Variants in CDON observed in about 807,000 individuals in gnomAD.
The protein encoded by CDON is cell adhesion molecule-related/down-regulated by oncogenes.
CDON carries 73 observed loss-of-function variants against 120.9 expected under a neutral mutation model. That is an observed-to-expected ratio of 0.60 (90% CI 0.50 to 0.73). The LOEUF (loss-of-function observed/expected upper bound fraction) is 0.73, where lower values mean the gene tolerates loss of function less well. Among genes scored for constraint, CDON ranks in the 30% least tolerant of loss-of-function variants. The pLI is 0.00. For missense variants in CDON, 1,470 were observed against 1,587.3 expected, an observed-to-expected ratio of 0.93 and a Z score of 1.26; for synonymous variants, 566 against 573.5, an observed-to-expected ratio of 0.99 and a Z score of 0.19.
intron 1 of CDON, among the ~76,000 whole-genome samples, chr11:126,061,759 T>C (rs1247701247): frequency 1.3e-5 from 2 of 152,234 alleles, no homozygotes; most frequent in African/African-American, 4.8e-5. Flanking sequence ...GATGAGGTTC[T>C]CTAAATTCTG....
intron 17 of CDON, among the ~76,000 whole-genome samples, chr11:125,980,015 A>T (rs1946250676): frequency 6.6e-6 from 1 of 152,190 alleles, no homozygotes; most frequent in Non-Finnish European, 1.5e-5. Context: ...TAAACTGAAG[A>T]TGGGGGGAAA....
chr11:126,005,647 G>A (rs554439131), intron 9 of CDON, 112 bp downstream of exon 9: 37 of 993,742 alleles, frequency 3.7e-5, no homozygotes, highest in Middle Eastern at 3.0e-4. Context: ...CATCAGTCTG[G>A]AAGACTCTTG....
Position 126,062,840 on chromosome 11 carries a change from A to C in CDON, c.-323T>G, listed in dbSNP as rs1257166971. 2 of 151,410 alleles carry C rather than the reference A, an allele frequency of 1.3e-5. No individual in the cohort carries two copies. Among genetic ancestry groups the C allele is most frequent in the African/African-American group, 4.8e-5 (2 of 41,294 alleles). 9.4% of individuals were successfully genotyped at this position (151,410 alleles called of 1,614,324 possible). A position where few individuals can be genotyped will look rare whatever the true frequency, so the allele number is the denominator to read the frequency against. On this transcript the variant is annotated 5_prime_UTR_variant, in exon 1 of 20. Transcript: ENST00000531738. ...CCGCGCGAGCCGGGCTCCCGGGCTC[A>C]GGGGAGGGGAGCTGAGGGGCGGAGT...
chr11:125,979,628 G>T (rs1946240242), intron 17 of CDON, among the ~76,000 whole-genome samples: 1 of 152,054 alleles, frequency 6.6e-6, no homozygotes. Flanking sequence ...TATTTAAATA[G>T]AAATTCATTG....
intron 1 of CDON, among the ~76,000 whole-genome samples, chr11:126,050,013 A>G (rs1036522655): frequency 3.9e-4 from 59 of 152,304 alleles, no homozygotes; most frequent in Non-Finnish European, 8.8e-5. Context: ...CTCTAAAGAA[A>G]AGCGTTAAAA....
At chr11:126,016,230 A>G (rs1947464541) in intron 6 of CDON, among the ~76,000 whole-genome samples, 1 of 152,214 alleles carries the variant, frequency 6.6e-6, no homozygotes, top group African/African-American at 2.4e-5. Flanking sequence ...TAATTTTTTC[A>G]TGAAAATCTG....
At position 125,980,755 on chromosome 11, in the gene CDON, G is replaced by A. The variant is rs116904334; in HGVS notation, c.3276+294C>T. On this transcript the variant is annotated intron_variant, in intron 17 of 19. Coordinates refer to ENST00000531738, the MANE Select transcript of CDON (RefSeq NM_001378964.1). ...CGATAAATCAAATTTAAAGTATTTG[G>A]TATTTCCATTTCATCTAAAGAACAA... 9.5e-3 allele frequency among the ~76,000 whole-genome samples: 1,443 copies of A among 152,264 alleles called. 11 individuals carry two copies. Among genetic ancestry groups the A allele is most frequent in the Non-Finnish European group, 0.016 (1,061 of 68,024 alleles).
rs117460266 is a variant in CDON at position 126,052,547 on chromosome 11, G to A, written c.-62+10032C>T. Among the ~76,000 whole-genome samples, 365 of 152,246 alleles carry A rather than the reference G, an allele frequency of 2.4e-3. 7 individuals carry two copies. The East Asian group carries it at 0.046, about 19-fold the overall frequency. On this transcript the variant is annotated intron_variant, in intron 1 of 19. Transcript: ENST00000531738. Reference sequence around the variant, plus strand: ...AAAAATAAAAAATAATACAGGCCACGCGTGGTGGCTCACGCCTGTAATCCC... The same window carrying A: ...AAAAATAAAAAATAATACAGGCCACACGTGGTGGCTCACGCCTGTAATCCC...
Position 126,023,380 on chromosome 11 carries a change from C to T in CDON, c.76+21G>A, listed in dbSNP as rs1939890. The stretch of plus-strand genomic sequence containing the variant: ...AAGATGAGTAAAGGCCAAACCACCC[C>T]CTCCCCAATTCTACTCTTACCTGAA... On this transcript the variant is annotated intron_variant, in intron 2 of 19. Transcript: ENST00000531738. 0.19 allele frequency: 281,206 copies of T among 1,515,102 alleles called. 26,932 individuals are homozygous for T. Among genetic ancestry groups the T allele is most frequent in the South Asian group, 0.2 (18,091 of 89,186 alleles). 93.9% of individuals were successfully genotyped at this position (1,515,102 alleles called of 1,614,324 possible).
rs758055609 is a variant in CDON at position 125,988,658 on chromosome 11, C to T, written c.2773+979G>A. Reference sequence around the variant, plus strand: ...TGTGAAGATTAACTGAGACTGTGGACGAGTGGTTTTGCTCGTAAACATCTA... The same window carrying T: ...TGTGAAGATTAACTGAGACTGTGGATGAGTGGTTTTGCTCGTAAACATCTA... On this transcript the variant is annotated intron_variant, in intron 15 of 19. Coordinates refer to ENST00000531738, the MANE Select transcript of CDON (RefSeq NM_001378964.1). 2.5e-4 allele frequency among the ~76,000 whole-genome samples: 38 copies of T among 152,248 alleles called. 1 individual carries two copies. The highest frequency in any genetic ancestry group is 3.4e-4 in the African/African-American group (14 of 41,556).
intron 11 of CDON, among the ~76,000 whole-genome samples, chr11:125,999,460 TCA>T (rs1237883257): frequency 2.0e-5 from 3 of 152,214 alleles, no homozygotes; most frequent in Non-Finnish European, 4.4e-5. Flanking sequence ...TCCTCATGTG[TCA>T]GTTTCCTAAT....
chr11:126,015,990 G>A (rs1947456936), intron 6 of CDON, among the ~76,000 whole-genome samples: 1 of 152,154 alleles, frequency 6.6e-6, no homozygotes, highest in Admixed American at 6.5e-5. Flanking sequence ...TTCCTTTAGG[G>A]ATCCTTAAAG....
In CDON at chr11:126,017,254, AT is replaced by A; in HGVS notation, c.761del (p.Tyr254PhefsTer3). The A allele has an allele frequency of 6.2e-7, 1 of 1,614,066 alleles. No individual in the cohort carries two copies. Among genetic ancestry groups the A allele is most frequent in the Non-Finnish European group, 8.5e-7 (1 of 1,180,002 alleles). ...CAATGTCCTGCCCGTCCTTTAGCCA[AT>A]ACACTTGAGGAGCCGGGACCCCACT... Reference protein sequence around the residue: ...VVSGVPAPQVYWLKDGQDIAP... With the variant: ...VVSGVPAPQVXWLKDGQDIAP... On this transcript the variant is annotated frameshift_variant, in exon 6 of 20. Transcript: ENST00000531738. LOFTEE classifies it high-confidence loss of function.
At chr11:125,972,733 G>A (rs1946037389) in intron 18 of CDON, among the ~76,000 whole-genome samples, 1 of 152,196 alleles carries the variant, frequency 6.6e-6, no homozygotes, top group Non-Finnish European at 1.5e-5. Context: ...GTTTACAACT[G>A]AGAAGGCAGA....
Position 126,017,151 on chromosome 11 carries a change from A to T in CDON, c.865T>A (p.Ser289Thr), listed in dbSNP as rs1445263541. The change falls in exon 6 of 20, where the codon TCC (serine) becomes ACC (threonine). Residue 289 changes from serine (S) to threonine (T), a missense_variant. Physicochemically the swap from Ser to Thr is moderately conservative, Grantham distance 58 (BLOSUM62 1). Transcript: ENST00000531738. ...SVDPADSGNY[S>T]CMAGNKSGDV... ...CCAGACTTGTTTCCCGCCATGCAGG[A>T]ATAGTTTCCGGAGTCCGCCGGGTCA... The T allele has an allele frequency of 6.2e-7, 1 of 1,614,064 alleles. No individual in the cohort carries two copies. Among genetic ancestry groups the T allele is most frequent in the Non-Finnish European group, 8.5e-7 (1 of 1,180,022 alleles).
In CDON at chr11:126,041,206, A is replaced by G. The variant is rs78875833; in HGVS notation, c.-61-17669T>C. On this transcript the variant is annotated intron_variant, in intron 1 of 19. Coordinates refer to ENST00000531738, the MANE Select transcript of CDON (RefSeq NM_001378964.1). ...GACTGTCTAAAAAAAAAAAAAAAAAAGGGCAAAAATTAAAATAGTTTAACA... is the reference window on the plus strand; with the variant it reads ...GACTGTCTAAAAAAAAAAAAAAAAAGGGGCAAAAATTAAAATAGTTTAACA... Among the ~76,000 whole-genome samples the G allele has an allele frequency of 7.3e-5, 11 of 150,596 alleles. No homozygotes were observed. In the South Asian group the frequency reaches 8.4e-4, roughly 12 times the overall value.
chr11:125,996,161 AACACACACACACAC>A (rs35536827), intron 12 of CDON, among the ~76,000 whole-genome samples: 10,592 of 146,000 alleles, frequency 0.073, 447 homozygotes, highest in Admixed American at 0.13. Flanking sequence ...GTCACAGCAA[AACACACACACACAC>A]ACACACACAC....
intron 18 of CDON, among the ~76,000 whole-genome samples, chr11:125,971,104 C>T (rs503764): frequency 0.46 from 70,346 of 151,972 alleles, 17,886 homozygotes; most frequent in African/African-American, 0.68. Flanking sequence ...TGATAATTAA[C>T]GTTCTCCGGT....
chr11:126,049,352 G>C (rs1948497329), intron 1 of CDON, among the ~76,000 whole-genome samples: 1 of 152,122 alleles, frequency 6.6e-6, no homozygotes, highest in Non-Finnish European at 1.5e-5. Context: ...GTAATGACTT[G>C]CTTAGGTTAA....
Sources: gnomAD v4.1 joint callset for allele counts (sites outside exome capture counted in the v4.1 genomes callset) on GRCh38, gnomAD v4.1.1 for gene constraint, MANE v1.5 for transcripts, NCBI Gene and HGNC (gene_info 2026-07-23, HGNC 2026-07-21) for gene names.